COMMD1: variants seen among roughly 807,000 people sequenced by gnomAD.
The protein encoded by COMMD1 is copper metabolism domain containing 1, also known as COMM domain-containing protein 1.
In COMMD1, 10 loss-of-function variants were observed where a neutral mutation model predicts 17.2. The observed-to-expected ratio is 0.58, with a 90% confidence interval of 0.36 to 0.99. COMMD1 has a LOEUF of 0.99. COMMD1 is among the 50% of genes least tolerant of loss of function. The pLI is 0.01. For missense variants in COMMD1, 270 were observed against 231.8 expected (o/e 1.17, Z -1.07); for synonymous variants, 97 against 91.6 (o/e 1.06, Z -0.34).
intron 2 of COMMD1, among the ~76,000 whole-genome samples, chr2:62,053,423 A>G (rs1573121245): frequency 6.6e-6 from 1 of 152,104 alleles, no homozygotes; most frequent in African/African-American, 2.4e-5. Flanking sequence ...TTGCTTTCTT[A>G]GTGGATAGAA....
rs776666143 is a variant in COMMD1, at chr2:61,990,903, T to TATACACACAC, written c.181-9797_181-9796insTACACACACA. ...AAAAAAAAAAAAAAATATATATATA[T>TATACACACAC]ACACACACACACACACACACACACA... On this transcript the variant is annotated intron_variant, in intron 1 of 2. Coordinates refer to ENST00000311832, the MANE Select transcript of COMMD1 (RefSeq NM_152516.4). 1.9e-4 allele frequency among the ~76,000 whole-genome samples: 22 copies of TATACACACAC among 116,162 alleles called. 1 individual carries two copies. The highest frequency in any genetic ancestry group is 6.2e-4 in the South Asian group (2 of 3,202). 76.2% of individuals were successfully genotyped at this position (116,162 alleles called of 152,430 possible).
chr2:62,022,992 C>A (rs551775704), intron 2 of COMMD1, among the ~76,000 whole-genome samples: 1 of 152,178 alleles, frequency 6.6e-6, no homozygotes, highest in East Asian at 1.9e-4. Context: ...TTTGGGAGGC[C>A]GAGGTGGGCA....
intron 1 of COMMD1, among the ~76,000 whole-genome samples, chr2:61,964,039 A>T (rs567530144): frequency 2.9e-4 from 44 of 152,318 alleles, no homozygotes; most frequent in African/African-American, 1.0e-3. Flanking sequence ...TCCAAAATCC[A>T]ACAGATTTTT....
chr2:62,113,754 C>T (rs1235842093), intron 2 of COMMD1, among the ~76,000 whole-genome samples: 2 of 152,214 alleles, frequency 1.3e-5, no homozygotes, highest in Non-Finnish European at 2.9e-5. Flanking sequence ...ATTGTCATCA[C>T]ATTGATTTAG....
At chr2:62,125,480 T>C (rs1317216098) in intron 2 of COMMD1, among the ~76,000 whole-genome samples, 2 of 152,166 alleles carry the variant, frequency 1.3e-5, no homozygotes, top group Non-Finnish European at 2.9e-5. Flanking sequence ...TTCTGTTTTG[T>C]TAGCATGCTC....
chr2:62,037,070 C>T (rs1670059323), intron 2 of COMMD1, among the ~76,000 whole-genome samples: 1 of 152,190 alleles, frequency 6.6e-6, no homozygotes, highest in African/African-American at 2.4e-5. Flanking sequence ...AGTGTATGCT[C>T]TTTACCATTT....
At chr2:62,041,987 C>T (rs115689889) in intron 2 of COMMD1, among the ~76,000 whole-genome samples, 2,734 of 152,318 alleles carry the variant, frequency 0.018, 53 homozygotes, top group African/African-American at 0.041. Flanking sequence ...GCTGCTGGCT[C>T]TGGTGGCCTG....
intron 2 of COMMD1, among the ~76,000 whole-genome samples, chr2:62,115,047 G>A (rs1006376093): frequency 2.0e-5 from 3 of 152,138 alleles, no homozygotes; most frequent in African/African-American, 7.2e-5. Flanking sequence ...TAAAAAATCA[G>A]AGGTGTAAGA....
chr2:62,056,720 A>G (rs1670712764), intron 2 of COMMD1, among the ~76,000 whole-genome samples: 1 of 152,226 alleles, frequency 6.6e-6, no homozygotes, highest in Non-Finnish European at 1.5e-5. Context: ...AAAGAGTTTG[A>G]GCATTACTTT....
intron 2 of COMMD1, among the ~76,000 whole-genome samples, chr2:62,048,377 A>G (rs1272000189): frequency 1.3e-5 from 2 of 151,442 alleles, no homozygotes; most frequent in Admixed American, 1.3e-4. Flanking sequence ...TTTAGTAGAG[A>G]CGGGGTTTCA....
At chr2:61,929,150 C>T (rs1230600914) in intron 1 of COMMD1, among the ~76,000 whole-genome samples, 7 of 152,170 alleles carry the variant, frequency 4.6e-5, no homozygotes, top group Non-Finnish European at 8.8e-5. Flanking sequence ...ATTACATGTC[C>T]GAGATAACTG....
intron 1 of COMMD1, among the ~76,000 whole-genome samples, chr2:61,980,756 A>G (rs927690830): frequency 6.6e-6 from 1 of 151,364 alleles, no homozygotes; most frequent in Non-Finnish European, 1.5e-5. Context: ...TAGTTTAATT[A>G]GATCCCATTT....
At chr2:61,956,745 T>C (rs935672413) in intron 1 of COMMD1, among the ~76,000 whole-genome samples, 1 of 149,880 alleles carries the variant, frequency 6.7e-6, no homozygotes, top group African/African-American at 2.5e-5. Context: ...CGCATAGTTT[T>C]TTTTGTTTGT....
chr2:61,963,353 TTTTG>T lies in COMMD1; in HGVS notation c.181-37344_181-37341del, dbSNP rs561763201. ...GGAACCCCTGAATTTATAGCCAGTT[TTTTG>T]TTTTGTTTTGTTTTTTTGAGATGGA... is the stretch of plus-strand genomic sequence containing the variant. On this transcript the variant is annotated intron_variant, in intron 1 of 2. Transcript: ENST00000311832. Among the ~76,000 whole-genome samples the T allele has an allele frequency of 2.4e-4, 36 of 152,002 alleles. No individual in the cohort carries two copies. The South Asian group carries it at 6.9e-3, about 29-fold the overall frequency.
At position 61,926,838 on chromosome 2, in the gene COMMD1, A is replaced by C. The variant is rs553990399; in HGVS notation, c.180+20980A>C. ...CTTTCCTCTTTAAATACCAAAGTTCACAAAACCTCCTTTGGAAGAAGTATA... is the reference window on the plus strand; with the variant it reads ...CTTTCCTCTTTAAATACCAAAGTTCCCAAAACCTCCTTTGGAAGAAGTATA... On this transcript the variant is annotated intron_variant, in intron 1 of 2. Transcript: ENST00000311832. Among the ~76,000 whole-genome samples the C allele has an allele frequency of 3.9e-5, 6 of 152,100 alleles. No individual in the cohort carries two copies. The South Asian group carries it at 1.2e-3, about 32-fold the overall frequency.
intron 2 of COMMD1, among the ~76,000 whole-genome samples, chr2:62,087,292 C>T (rs79966060): frequency 6.6e-6 from 1 of 152,218 alleles, no homozygotes; most frequent in African/African-American, 2.4e-5. Flanking sequence ...GTGAGGGTCA[C>T]ATGGCTGCTT....
At chr2:62,124,746 T>C (rs1168707044) in intron 2 of COMMD1, among the ~76,000 whole-genome samples, 1 of 152,048 alleles carries the variant, frequency 6.6e-6, no homozygotes, top group Non-Finnish European at 1.5e-5. Flanking sequence ...GATGGGGTTT[T>C]ACTATGTGAG....
At chr2:62,054,664 G>A (rs999393783) in intron 2 of COMMD1, among the ~76,000 whole-genome samples, 1 of 152,128 alleles carries the variant, frequency 6.6e-6, no homozygotes, top group African/African-American at 2.4e-5. Flanking sequence ...ATGTGTTCAG[G>A]TGAATGTAGA....
At chr2:61,999,913 GC>G (rs1486888420) in intron 1 of COMMD1, among the ~76,000 whole-genome samples, 2 of 149,708 alleles carry the variant, frequency 1.3e-5, no homozygotes, top group Non-Finnish European at 1.5e-5. Context: ...ATTACTGTCT[GC>G]CCCCTCCCCC....
Sources: allele counts gnomAD v4.1 joint callset (sites outside exome capture counted in the v4.1 genomes callset), GRCh38; gene constraint gnomAD v4.1.1; transcripts MANE v1.5; gene names NCBI Gene and HGNC (gene_info 2026-07-23, HGNC 2026-07-21).